Variants in TRAPPC10 observed in about 807,000 individuals in gnomAD.
TRAPPC10 encodes trafficking protein particle complex subunit 10, also known as TRAPP 130 kDa subunit.
A neutral mutation model predicts 125.5 loss-of-function variants in TRAPPC10; 23 were observed. The observed-to-expected ratio is 0.18, with a 90% CI of 0.13 to 0.26. TRAPPC10 has a LOEUF of 0.26. Among genes scored for constraint, TRAPPC10 ranks in the 10% least tolerant of loss-of-function variants. The pLI is 1.00. For synonymous variants in TRAPPC10, 509 were observed against 518.0 expected (o/e 0.98, Z 0.24); for missense variants, 1,123 against 1,308.4 (o/e 0.86, Z 2.19).
intron 1 of TRAPPC10, among the ~76,000 whole-genome samples, chr21:44,028,403 G>T (rs1308754941): frequency 6.6e-6 from 1 of 152,176 alleles, no homozygotes; most frequent in Non-Finnish European, 1.5e-5. Flanking sequence ...GAGTGCCTGT[G>T]TCCCTCTGGG....
intron 10 of TRAPPC10, 125 bp from the exon 11 acceptor site, chr21:44,077,568 G>A (rs2037377262): frequency 3.0e-6 from 2 of 671,008 alleles, no homozygotes; most frequent in Non-Finnish European, 4.9e-6. Flanking sequence ...CTGGGCGATG[G>A]AGCAAGACTC....
chr21:44,095,338 C>G (rs2038857836), intron 20 of TRAPPC10, among the ~76,000 whole-genome samples: 1 of 151,818 alleles, frequency 6.6e-6, no homozygotes, highest in Non-Finnish European at 1.5e-5. Flanking sequence ...CTCTGCCTCC[C>G]AGGTTCAAGC....
At chr21:44,090,714 C>A (rs1432851875) in intron 18 of TRAPPC10, among the ~76,000 whole-genome samples, 1 of 152,222 alleles carries the variant, frequency 6.6e-6, no homozygotes, top group Admixed American at 6.5e-5. Context: ...GGATGCTAGC[C>A]TGGCCTCTCA....
chr21:44,092,170 G>A (rs1294107367), intron 19 of TRAPPC10, 121 bp downstream of exon 19: 1 of 1,316,470 alleles, frequency 7.6e-7, no homozygotes, highest in East Asian at 2.4e-5. Flanking sequence ...GATGAGTAAA[G>A]GCTCCTGTGC....
rs190752617 is a variant in TRAPPC10, at chr21:44,015,491, G to A, written c.67+2931G>A. On this transcript the variant is annotated intron_variant, in intron 1 of 22. Transcript: ENST00000291574. ...AGAGTGCAGTGGCATGGTCATAGCC[G>A]ACTGCAGCCTTGCTGGGCTCAAGTG... Among the ~76,000 whole-genome samples the A allele has an allele frequency of 1.5e-3, 229 of 152,112 alleles. 1 individual carries two copies. Among genetic ancestry groups the A allele is most frequent in the African/African-American group, 4.8e-3 (198 of 41,476 alleles).
At chr21:44,071,667 C>G (rs1202005002) in intron 7 of TRAPPC10, among the ~76,000 whole-genome samples, 1 of 152,192 alleles carries the variant, frequency 6.6e-6, no homozygotes, top group Non-Finnish European at 1.5e-5. Context: ...CATCATATGC[C>G]AAATTCACAT....
chr21:44,092,755 T>G (rs779156240), intron 19 of TRAPPC10, among the ~76,000 whole-genome samples: 4 of 113,856 alleles, frequency 3.5e-5, no homozygotes, highest in Non-Finnish European at 7.1e-5. Context: ...ATAAAATAAT[T>G]GGCTGGATGT....
intron 10 of TRAPPC10, among the ~76,000 whole-genome samples, chr21:44,077,006 G>A (rs1433492277): frequency 1.3e-5 from 2 of 152,202 alleles, no homozygotes; most frequent in Non-Finnish European, 2.9e-5. Flanking sequence ...TTAAAAAACG[G>A]CGTAGGCAGA....
chr21:44,080,630 C>T (rs55794203), intron 13 of TRAPPC10, among the ~76,000 whole-genome samples: 10,408 of 151,886 alleles, frequency 0.069, 449 homozygotes, highest in Middle Eastern at 0.099. Context: ...CTCCGTCTCC[C>T]GGGTTCAAGC....
chr21:44,074,530 G>A (rs1451681849), intron 8 of TRAPPC10, 60 bp downstream of exon 8: 22 of 1,604,634 alleles, frequency 1.4e-5, no homozygotes, highest in Middle Eastern at 1.7e-4. Flanking sequence ...CCTGGGTGGC[G>A]GAGGAAGTCT....
Position 44,028,499 on chromosome 21 carries a change from C to A in TRAPPC10, c.68-3592C>A, listed in dbSNP as rs1044975386. Among the ~76,000 whole-genome samples, 4 of 152,190 alleles carry A rather than the reference C, an allele frequency of 2.6e-5. No homozygotes were observed. In the East Asian group the frequency reaches 7.7e-4, roughly 29 times the overall value. On this transcript the variant is annotated intron_variant, in intron 1 of 22. Coordinates refer to ENST00000291574, the MANE Select transcript of TRAPPC10 (RefSeq NM_003274.5). ...TGTTCAGCCAGGGTGATGCTGTGCT[C>A]CCACAGACTTTAGGGATCCATGGCA...
chr21:44,037,112 A>G lies in TRAPPC10; in HGVS notation c.150-680A>G, dbSNP rs80288342. On this transcript the variant is annotated intron_variant, in intron 2 of 22. Coordinates refer to ENST00000291574, the MANE Select transcript of TRAPPC10 (RefSeq NM_003274.5). ...AAAACAAAATCCAGCTATAACATTC[A>G]GAAGAGACGCAGCTGCTAGAAGTGA... 3.4e-3 allele frequency among the ~76,000 whole-genome samples: 520 copies of G among 152,330 alleles called. 1 individual carries two copies. Among genetic ancestry groups the G allele is most frequent in the African/African-American group, 0.012 (503 of 41,564 alleles).
chr21:44,085,083 C>G (rs548070429), intron 15 of TRAPPC10, among the ~76,000 whole-genome samples: 1 of 152,192 alleles, frequency 6.6e-6, no homozygotes, highest in Non-Finnish European at 1.5e-5. Flanking sequence ...ATGAGCAACT[C>G]GACCTTCAGC....
At chr21:44,072,794 G>A (rs1199493536) in intron 7 of TRAPPC10, among the ~76,000 whole-genome samples, 2 of 152,198 alleles carry the variant, frequency 1.3e-5, no homozygotes, top group Non-Finnish European at 1.5e-5. Flanking sequence ...TCACCAGTGT[G>A]TGCCCAGGGG....
At chr21:44,075,963 C>T (rs1182719595) in intron 9 of TRAPPC10, among the ~76,000 whole-genome samples, 5 of 151,922 alleles carry the variant, frequency 3.3e-5, no homozygotes, top group East Asian at 1.9e-4. Flanking sequence ...GCAGGAGAAT[C>T]GCTTGAACCT....
rs573120288 is a variant in TRAPPC10, at chr21:44,014,395, CCTT to C, written c.67+1845_67+1847del. Among the ~76,000 whole-genome samples the C allele has an allele frequency of 3.1e-3, 415 of 132,458 alleles. 4 individuals carry two copies. The highest frequency in any genetic ancestry group is 6.2e-3 in the Admixed American group (84 of 13,618). 86.9% of individuals were successfully genotyped at this position (132,458 alleles called of 152,430 possible). Reference sequence around the variant, plus strand: ...AGCAGCAGAGTGAATTTTTTTTTTTCCTTCTTCTTCTTTTTTGAGACGGCGTCT... The same window carrying C: ...AGCAGCAGAGTGAATTTTTTTTTTTCCTTCTTCTTTTTTGAGACGGCGTCT... On this transcript the variant is annotated intron_variant, in intron 1 of 22. Transcript: ENST00000291574.
At chr21:44,048,955 G>A (rs547665873) in intron 3 of TRAPPC10, among the ~76,000 whole-genome samples, 1 of 152,270 alleles carries the variant, frequency 6.6e-6, no homozygotes, top group East Asian at 1.9e-4. Context: ...TCATTGATGT[G>A]CAGATTGTTC....
At chr21:44,027,340 A>G (rs192925482) in intron 1 of TRAPPC10, among the ~76,000 whole-genome samples, 2,176 of 152,292 alleles carry the variant, frequency 0.014, 26 homozygotes, top group Non-Finnish European at 0.021. Flanking sequence ...CTTTTGTATG[A>G]GTAAGACCAT....
chr21:44,025,898 A>G (rs544776896), intron 1 of TRAPPC10, among the ~76,000 whole-genome samples: 1 of 147,754 alleles, frequency 6.8e-6, no homozygotes, highest in South Asian at 2.1e-4. Context: ...GAAGGTAGAG[A>G]CCACAGGAAG....
Sources: allele counts gnomAD v4.1 joint callset (sites outside exome capture counted in the v4.1 genomes callset), GRCh38; gene constraint gnomAD v4.1.1; transcripts MANE v1.5; gene names NCBI Gene and HGNC (gene_info 2026-07-23, HGNC 2026-07-21).